The following TESC variants were observed in gnomAD, a reference collection of about 807,000 sequenced individuals.
TESC encodes tescalcin, also known as calcineurin B homologous protein 3.
In TESC, 19 loss-of-function variants were observed where a neutral mutation model predicts 31.0. The ratio of observed to expected loss-of-function variants is 0.61; its 90% CI spans 0.43 to 0.90. The LOEUF is 0.90. TESC is among the 40% of genes least tolerant of loss of function. The probability of loss-of-function intolerance (pLI) is 0.00; values close to 1 mark genes in which losing one functional copy is unlikely to be tolerated. For synonymous variants in TESC, 109 were observed against 114.8 expected, an observed-to-expected ratio of 0.95 and a Z score of 0.32; for missense variants, 248 against 303.8, an observed-to-expected ratio of 0.82 and a Z score of 1.36.
rs1171032346 is a variant in TESC at position 117,075,901 on chromosome 12, A to ATGTGTG, written c.59-562_59-561insCACACA. On this transcript the variant is annotated intron_variant, in intron 1 of 7. Coordinates refer to ENST00000335209, the MANE Select transcript of TESC (RefSeq NM_017899.4). ...TATATATATATATATATATATATATATATATATATATATGTGTGTGTGTAT... is the reference window on the plus strand; with the variant it reads ...TATATATATATATATATATATATATATGTGTGTATATATATATATGTGTGTGTGTAT... Among the ~76,000 whole-genome samples, 20 of 86,098 alleles carry ATGTGTG rather than the reference A, an allele frequency of 2.3e-4. 1 individual carries two copies. The highest frequency in any genetic ancestry group is 1.3e-3 in the African/African-American group (17 of 13,256). 56.5% of individuals were successfully genotyped at this position (86,098 alleles called of 152,430 possible). A position where few individuals can be genotyped will look rare whatever the true frequency, so the allele number is the denominator to read the frequency against.
intron 1 of TESC, among the ~76,000 whole-genome samples, chr12:117,075,913 A>ATATATATGTGTGTGTG (rs1265957613): frequency 2.9e-4 from 15 of 51,950 alleles, no homozygotes; most frequent in African/African-American, 5.1e-4. Context: ...ATATATATAT[A>ATATATATGTGTGTGTG]TGTGTGTGTG....
At chr12:117,039,278 G>T in intron 7 of TESC, 68 bp from the exon 8 acceptor site, 1 of 1,480,240 alleles carries the variant, frequency 6.8e-7, no homozygotes. Flanking sequence ...AGGCCCCCCG[G>T]TCCTCGGCCC....
intron 2 of TESC, among the ~76,000 whole-genome samples, chr12:117,060,526 G>T (rs186816851): frequency 6.1e-4 from 93 of 152,270 alleles, no homozygotes; most frequent in Middle Eastern, 3.4e-3. Flanking sequence ...ATGAGTCAGG[G>T]TTACCAGGGA....
chr12:117,044,363 C>T (rs1465781376), intron 6 of TESC, among the ~76,000 whole-genome samples: 1 of 152,212 alleles, frequency 6.6e-6, no homozygotes, highest in East Asian at 1.9e-4. Context: ...TCCTTCCTCC[C>T]TGTCTTCCCA....
chr12:117,079,886 G>A (rs1441022504), intron 1 of TESC, among the ~76,000 whole-genome samples: 2 of 152,170 alleles, frequency 1.3e-5, no homozygotes, highest in Non-Finnish European at 1.5e-5. Context: ...CATGGTGTGT[G>A]AATTATATCT....
intron 1 of TESC, among the ~76,000 whole-genome samples, chr12:117,085,127 G>A: frequency 6.6e-6 from 1 of 152,202 alleles, no homozygotes; most frequent in East Asian, 1.9e-4. Context: ...ATGGGGTTCT[G>A]GGGGTGGGGT....
chr12:117,046,969 C>A, intron 4 of TESC, 131 bp from the exon 5 acceptor site: 1 of 987,900 alleles, frequency 1.0e-6, no homozygotes. Context: ...GGGGTCAGGG[C>A]ATGAGCTGTG....
At chr12:117,055,738 G>C (rs182197335) in intron 3 of TESC, among the ~76,000 whole-genome samples, 1 of 152,194 alleles carries the variant, frequency 6.6e-6, no homozygotes, top group Non-Finnish European at 1.5e-5. Flanking sequence ...CAGCCACAAG[G>C]CTGAATCCGG....
At chr12:117,040,161 G>A (rs370446550) in intron 7 of TESC, among the ~76,000 whole-genome samples, 1 of 152,238 alleles carries the variant, frequency 6.6e-6, no homozygotes, top group Admixed American at 6.5e-5. Context: ...GGACATTTCC[G>A]GCCGCAGCCC....
chr12:117,092,140 G>A (rs1955319823), intron 1 of TESC, among the ~76,000 whole-genome samples: 2 of 152,220 alleles, frequency 1.3e-5, no homozygotes, highest in Admixed American at 6.5e-5. Flanking sequence ...TCAGATGATT[G>A]ACAAGTGCTC....
chr12:117,079,221 A>G (rs751259967), intron 1 of TESC, among the ~76,000 whole-genome samples: 1 of 152,186 alleles, frequency 6.6e-6, no homozygotes, highest in African/African-American at 2.4e-5. Context: ...AAGATAAATA[A>G]GATTAGAAAT....
intron 6 of TESC, among the ~76,000 whole-genome samples, chr12:117,045,241 C>T (rs1592991413): frequency 1.3e-5 from 2 of 152,352 alleles, no homozygotes; most frequent in East Asian, 3.9e-4. Context: ...TCATGGGGGC[C>T]CGTAGGCAGC....
chr12:117,096,588 A>G (rs1339042143), intron 1 of TESC, among the ~76,000 whole-genome samples: 1 of 109,448 alleles, frequency 9.1e-6, no homozygotes, highest in Non-Finnish European at 1.8e-5. Context: ...CATGGTCAAT[A>G]ACAAACCATG....
chr12:117,076,002 A>G (rs1286795404), intron 1 of TESC, among the ~76,000 whole-genome samples: 1 of 140,370 alleles, frequency 7.1e-6, no homozygotes, highest in Non-Finnish European at 1.5e-5. Context: ...TTTTTTAGAA[A>G]TACAGGGTTT....
In TESC at chr12:117,038,991, A is replaced by G. The variant is rs969803005; in HGVS notation, c.*142T>C. ...AGCGAAGTCCCACATACCATACCCT[A>G]CAAGACACAAGGTGCGCAGACGAGC... On this transcript the variant is annotated 3_prime_UTR_variant, in exon 8 of 8. Transcript: ENST00000335209. The G allele has an allele frequency of 7.3e-6, 6 of 821,464 alleles. No homozygotes were observed. Among genetic ancestry groups the G allele is most frequent in the Non-Finnish European group, 5.9e-6 (3 of 508,046 alleles). The allele number at this position is 821,464 out of a possible 1,614,324, so 50.9% of individuals were successfully genotyped here. A position where few individuals can be genotyped will look rare whatever the true frequency, so the allele number is the denominator to read the frequency against.
intron 2 of TESC, among the ~76,000 whole-genome samples, chr12:117,072,696 C>G (rs1307712589): frequency 1.3e-5 from 2 of 152,248 alleles, no homozygotes; most frequent in African/African-American, 4.8e-5. Context: ...CAAAGGGGCT[C>G]TGCCTTCCCA....
intron 3 of TESC, among the ~76,000 whole-genome samples, chr12:117,050,295 C>A (rs1954630008): frequency 6.6e-6 from 1 of 152,160 alleles, no homozygotes; most frequent in South Asian, 2.1e-4. Context: ...ACTGCGTGGC[C>A]CGCAAAGCCT....
intron 1 of TESC, among the ~76,000 whole-genome samples, chr12:117,093,028 G>A (rs923383480): frequency 2.0e-5 from 3 of 152,158 alleles, no homozygotes; most frequent in Non-Finnish European, 4.4e-5. Flanking sequence ...GAAAAGGCAC[G>A]GGGGACTGGC....
chr12:117,055,959 C>T lies in TESC; in HGVS notation c.209+847G>A, dbSNP rs182829604. ...TCTGAGATGGAGTCTTACTGACTCT[C>T]GCCCAGGCTGGAGTGCGGTGGCATA... On this transcript the variant is annotated intron_variant, in intron 3 of 7. Coordinates refer to ENST00000335209, the MANE Select transcript of TESC (RefSeq NM_017899.4). Among the ~76,000 whole-genome samples the T allele has an allele frequency of 1.2e-3, 179 of 148,626 alleles. 1 individual carries two copies. Among genetic ancestry groups the T allele is most frequent in the African/African-American group, 3.6e-3 (144 of 40,142 alleles).
Sources: allele counts gnomAD v4.1 joint callset (sites outside exome capture counted in the v4.1 genomes callset), GRCh38; gene constraint gnomAD v4.1.1; transcripts MANE v1.5; gene names NCBI Gene and HGNC (gene_info 2026-07-23, HGNC 2026-07-21).